The following HCFC2 variants were observed in gnomAD, a reference collection of about 807,000 sequenced individuals.
The protein encoded by HCFC2 is host cell factor C2.
HCFC2 carries 18 observed loss-of-function variants against 89.2 expected under a neutral mutation model. The ratio of observed to expected loss-of-function variants is 0.20; its 90% CI spans 0.14 to 0.30. The LOEUF (loss-of-function observed/expected upper bound fraction) is 0.30. Among genes scored for constraint, HCFC2 ranks in the 10% least tolerant of loss-of-function variants. The probability of loss-of-function intolerance (pLI) is 1.00; values close to 1 mark genes in which losing one functional copy is unlikely to be tolerated. For missense variants in HCFC2, 578 were observed against 956.1 expected (o/e 0.60, Z 5.21); for synonymous variants, 308 against 335.7 (o/e 0.92, Z 0.90).
rs17193175 is a variant in HCFC2 at position 104,097,998 on chromosome 12, C to T, written c.1741-345C>T. The stretch of plus-strand genomic sequence containing the variant: ...TCCTTTGGAGCAAGTTGTAATGTTA[C>T]GCTAAAGGAATTACATTTTCTGAGA... On this transcript the variant is annotated intron_variant, in intron 12 of 14. Coordinates refer to ENST00000229330, the MANE Select transcript of HCFC2 (RefSeq NM_013320.3). 250 of 172,198 alleles carry T rather than the reference C, an allele frequency of 1.5e-3. 1 individual carries two copies. Among genetic ancestry groups the T allele is most frequent in the Non-Finnish European group, 1.8e-3 (148 of 81,858 alleles). The allele number at this position is 172,198 out of a possible 1,614,324, so 10.7% of individuals were successfully genotyped here. A position where few individuals can be genotyped will look rare whatever the true frequency, so the allele number is the denominator to read the frequency against.
intron 9 of HCFC2, chr12:104,091,011 G>A (rs1014653329): frequency 6.6e-6 from 1 of 152,148 alleles, no homozygotes; most frequent in East Asian, 1.9e-4. Flanking sequence ...CTCTTGCTTA[G>A]GGGTTATGAG....
Position 104,103,520 on chromosome 12 carries a change from G to A in HCFC2, c.*247G>A, listed in dbSNP as rs1310046564. ...TAGCTCTTTTATAAAGAAAAACAGT[G>A]AAATTAAGATAAAAGCTAGAAAGCT... On this transcript the variant is annotated 3_prime_UTR_variant, in exon 15 of 15. Coordinates refer to ENST00000229330, the MANE Select transcript of HCFC2 (RefSeq NM_013320.3). 8 of 426,892 alleles carry A rather than the reference G, an allele frequency of 1.9e-5. No homozygotes were observed. Among genetic ancestry groups the A allele is most frequent in the African/African-American group, 1.2e-4 (6 of 49,850 alleles). The allele number at this position is 426,892 out of a possible 1,614,324, so 26.4% of individuals were successfully genotyped here.
chr12:104,098,299 T>C (rs1884234749), intron 12 of HCFC2, 44 bp from the exon 13 acceptor site: 1 of 1,522,222 alleles, frequency 6.6e-7, no homozygotes, highest in South Asian at 1.2e-5. Context: ...ATTTTTCGTA[T>C]ATTCAATAAG....
Position 104,103,034 on chromosome 12 carries a change from T to C in HCFC2, c.2140T>C (p.Leu714=). Residue 714 remains leucine (L), a synonymous_variant, in exon 15 of 15, where the codon TTG becomes CTG. Coordinates refer to ENST00000229330, the MANE Select transcript of HCFC2 (RefSeq NM_013320.3). ...SGNILEYSAY[L]AIRTAQIQDN... is the part of the protein sequence containing the mutation. ...AAATATTTTGGAATATTCAGCCTAC[T>C]TGGCTATCCGCACAGCACAGATACA... The C allele has an allele frequency of 6.2e-7, 1 of 1,614,022 alleles. No homozygotes were observed. The highest frequency in any genetic ancestry group is 8.5e-7 in the Non-Finnish European group (1 of 1,179,940).
chr12:104,075,872 T>C (rs1321144180), intron 3 of HCFC2, among the ~76,000 whole-genome samples: 1 of 152,238 alleles, frequency 6.6e-6, no homozygotes, highest in Non-Finnish European at 1.5e-5. Context: ...TTTGGCCGTA[T>C]GCCGTAGGGT....
rs1378153158 is a variant in HCFC2, at chr12:104,082,774, A to G, written c.936A>G (p.Pro312=). The G allele has an allele frequency of 3.7e-6, 6 of 1,614,062 alleles. No individual in the cohort carries two copies. The African/African-American group carries it at 4.0e-5, about 11-fold the overall frequency. The change falls in exon 7 of 15, where the codon CCA becomes CCG. Residue 312 remains proline (P), a synonymous_variant. Transcript: ENST00000229330. The part of the protein sequence containing the change: ...DSQEDKKNSR[P]RPRAGHCAVA... The stretch of plus-strand genomic sequence containing the variant: ...AGGAAGATAAAAAAAATTCAAGACC[A>G]AGACCAAGAGCTGGCCACTGTGCTG...
chr12:104,071,737 A>G (rs1364151459), intron 3 of HCFC2, among the ~76,000 whole-genome samples: 1 of 152,160 alleles, frequency 6.6e-6, no homozygotes, highest in Non-Finnish European at 1.5e-5. Context: ...ATTCTACCAA[A>G]TTGTTTTCCA....
intron 8 of HCFC2, among the ~76,000 whole-genome samples, chr12:104,087,700 A>G (rs1449342400): frequency 6.6e-6 from 1 of 151,970 alleles, no homozygotes; most frequent in African/African-American, 2.4e-5. Flanking sequence ...CTAAATTGAC[A>G]TATTAGTTGA....
At chr12:104,082,477 G>A in intron 5 of HCFC2, 23 bp from the exon 6 acceptor site, 1 of 1,419,086 alleles carries the variant, frequency 7.0e-7, no homozygotes, top group Non-Finnish European at 9.9e-7. Flanking sequence ...GCTACTTTAT[G>A]TTTTTGTTTT....
At position 104,093,482 on chromosome 12, in the gene HCFC2, A is replaced by C; in HGVS notation, c.1381A>C (p.Asn461His). Reference sequence around the variant, plus strand: ...AGACTTTAAAGCACTGACGGATTCTAATGCCATTTTATATCCATCTTTGGC... The same window carrying C: ...AGACTTTAAAGCACTGACGGATTCTCATGCCATTTTATATCCATCTTTGGC... ...KPDFKALTDS[N>H]AILYPSLASN... is the part of the protein sequence containing the mutation. The change falls in exon 10 of 15, where the codon AAT becomes CAT. Residue 461 changes from asparagine to histidine, a missense_variant. Physicochemically the swap from Asn to His is moderately conservative, Grantham distance 68 (BLOSUM62 1). This residue lies in a region of HCFC2 where 210 missense variants were observed against 251.7 expected (regional missense o/e 0.83). Transcript: ENST00000229330. 6.2e-7 allele frequency: 1 copy of C among 1,613,210 alleles called. No homozygotes were observed. Among genetic ancestry groups the C allele is most frequent in the Non-Finnish European group, 8.5e-7 (1 of 1,179,386 alleles).
At chr12:104,091,961 A>G (rs1368768820) in intron 9 of HCFC2, among the ~76,000 whole-genome samples, 1 of 152,208 alleles carries the variant, frequency 6.6e-6, no homozygotes, top group African/African-American at 2.4e-5. Context: ...AATTAAGGGC[A>G]AGCACAGGGC....
chr12:104,106,045 A>G lies in HCFC2; in HGVS notation c.*2772A>G, dbSNP rs2030076707. On this transcript the variant is annotated 3_prime_UTR_variant, in exon 15 of 15. Transcript: ENST00000229330. ...TATTGGCTTCATTTTAGTTTAATAA[A>G]CTTCTTTGGCAACTTAATTAGACAT... is the stretch of plus-strand genomic sequence containing the variant. 6.6e-6 allele frequency: 1 copy of G among 152,088 alleles called. No individual in the cohort carries two copies. Among genetic ancestry groups the G allele is most frequent in the Non-Finnish European group, 1.5e-5 (1 of 67,960 alleles). The allele number at this position is 152,088 out of a possible 1,614,324, so 9.4% of individuals were successfully genotyped here.
chr12:104,087,346 C>G (rs1324718731), intron 8 of HCFC2, among the ~76,000 whole-genome samples: 1 of 71,320 alleles, frequency 1.4e-5, no homozygotes, highest in African/African-American at 4.9e-5. Context: ...AAGCAAGACT[C>G]TGTCTTAAAA....
In HCFC2 at chr12:104,083,499, G is replaced by A. The variant is rs181867634; in HGVS notation, c.1063+598G>A. Among the ~76,000 whole-genome samples the A allele has an allele frequency of 1.1e-4, 16 of 152,200 alleles. No homozygotes were observed. In the East Asian group the frequency reaches 1.5e-3, roughly 15 times the overall value. ...ACAACTGAATGTGATGTTGTGTTCC[G>A]GATTGGATCCTGGAACAAAAAAAGA... On this transcript the variant is annotated intron_variant, in intron 7 of 14. Transcript: ENST00000229330.
chr12:104,095,704 T>C lies in HCFC2; in HGVS notation c.1666+141T>C. 3.1e-6 allele frequency: 2 copies of C among 644,546 alleles called. No homozygotes were observed. The highest frequency in any genetic ancestry group is 3.3e-5 in the Admixed American group (1 of 30,414). 39.9% of individuals were successfully genotyped at this position (644,546 alleles called of 1,614,324 possible). On this transcript the variant is annotated intron_variant, in intron 11 of 14. Coordinates refer to ENST00000229330, the MANE Select transcript of HCFC2 (RefSeq NM_013320.3). This position sits in a 1 kb window ranked among gnomAD's most constrained non-coding sequence, Gnocchi z 4.2. Reference sequence around the variant, plus strand: ...TTAACTTAATTTCTGTGAGCAAGAGTTTTCATTTGACCTAAATTTAACTTT... The same window carrying C: ...TTAACTTAATTTCTGTGAGCAAGAGCTTTCATTTGACCTAAATTTAACTTT...
chr12:104,073,916 T>C (rs1465596303), intron 3 of HCFC2, among the ~76,000 whole-genome samples: 1 of 152,236 alleles, frequency 6.6e-6, no homozygotes, highest in Non-Finnish European at 1.5e-5. Flanking sequence ...ATTCATTTTG[T>C]GTTGCTGTTG....
At position 104,083,070 on chromosome 12, in the gene HCFC2, C is replaced by T. The variant is rs529272147; in HGVS notation, c.1063+169C>T. ...CCACTCCTGAGAAGTATATAATTAT[C>T]CTCTCCTTGAGTGTAGGCTGGATTT... On this transcript the variant is annotated intron_variant, in intron 7 of 14. Transcript: ENST00000229330. 2.5e-4 allele frequency among the ~76,000 whole-genome samples: 38 copies of T among 152,234 alleles called. No individual in the cohort carries two copies. The South Asian group carries it at 7.7e-3, about 31-fold the overall frequency.
At position 104,067,933 on chromosome 12, in the gene HCFC2, C is replaced by CTT. The variant is rs748451819; in HGVS notation, c.313-4_313-3dup. Reference sequence around the variant, plus strand: ...GATTTTGTCTGACTGTATTTGTGCCCTTTTTTTTTTTAGGCAAGTCGTTGG... The same window carrying CTT: ...GATTTTGTCTGACTGTATTTGTGCCCTTTTTTTTTTTTTAGGCAAGTCGTTGG... On this transcript the variant is annotated splice_polypyrimidine_tract_variant and intron_variant, in intron 2 of 14. Coordinates refer to ENST00000229330, the MANE Select transcript of HCFC2 (RefSeq NM_013320.3). The CTT allele has an allele frequency of 7.4e-5, 87 of 1,182,690 alleles. No homozygotes were observed. Among genetic ancestry groups the CTT allele is most frequent in the Admixed American group, 3.2e-4 (13 of 41,078 alleles). The allele number at this position is 1,182,690 out of a possible 1,614,324, so 73.3% of individuals were successfully genotyped here. A position where few individuals can be genotyped will look rare whatever the true frequency, so the allele number is the denominator to read the frequency against.
chr12:104,081,139 GT>G (rs1282461271), intron 5 of HCFC2, among the ~76,000 whole-genome samples: 3 of 152,098 alleles, frequency 2.0e-5, no homozygotes, highest in South Asian at 2.1e-4. Flanking sequence ...CATATTTTTG[GT>G]AGTGCTTCAT....
Sources: allele counts gnomAD v4.1 joint callset (sites outside exome capture counted in the v4.1 genomes callset), GRCh38; gene constraint gnomAD v4.1.1; regional missense constraint gnomAD v4.1.1; non-coding constraint Gnocchi (gnomAD v3.1); transcripts MANE v1.5; gene names NCBI Gene and HGNC (gene_info 2026-07-23, HGNC 2026-07-21).